Variants in FRMD3 observed in about 807,000 individuals in gnomAD.
The protein encoded by FRMD3 is FERM domain containing 3.
Under a neutral mutation model 70.2 loss-of-function variants are expected in FRMD3, and 33 were observed. That is an observed-to-expected ratio of 0.47 (90% CI 0.36 to 0.63). The LOEUF (loss-of-function observed/expected upper bound fraction) is 0.63. FRMD3 is among the 20% of genes least tolerant of loss of function. FRMD3 has a pLI of 0.00. For missense variants in FRMD3, 632 were observed against 711.4 expected (o/e 0.89, Z 1.27); for synonymous variants, 279 against 255.9 (o/e 1.09, Z -0.86).
intron 13 of FRMD3, among the ~76,000 whole-genome samples, chr9:83,280,284 C>G (rs899830372): frequency 2.0e-5 from 3 of 152,200 alleles, no homozygotes; most frequent in African/African-American, 7.2e-5. Context: ...ATGCTCTTCC[C>G]GCCACCAGAG....
chr9:83,359,863 C>T (rs1824527773), intron 3 of FRMD3, among the ~76,000 whole-genome samples: 1 of 152,158 alleles, frequency 6.6e-6, no homozygotes, highest in African/African-American at 2.4e-5. Context: ...GAGTTCATGA[C>T]TGCAAAGCAC....
chr9:83,465,581 G>A (rs1432800149), intron 1 of FRMD3, among the ~76,000 whole-genome samples: 2 of 151,932 alleles, frequency 1.3e-5, no homozygotes, highest in African/African-American at 4.8e-5. Context: ...CCAGATTTCT[G>A]TACAATTTAC....
chr9:83,528,541 T>C (rs1158180915), intron 1 of FRMD3, among the ~76,000 whole-genome samples: 1 of 152,146 alleles, frequency 6.6e-6, no homozygotes, highest in Non-Finnish European at 1.5e-5. Flanking sequence ...ACCAGCAATT[T>C]TTTTTTTTGA....
chr9:83,329,837 T>C (rs1836181946), intron 6 of FRMD3, among the ~76,000 whole-genome samples: 1 of 152,156 alleles, frequency 6.6e-6, no homozygotes, highest in Non-Finnish European at 1.5e-5. Flanking sequence ...AATGTCTCTG[T>C]CTCTAATGAC....
rs540373535 is a variant in FRMD3, at chr9:83,470,893, ATG to A, written c.147+67190_147+67191del. ...CACATGCAATAAAAGTGACTGAAGA[ATG>A]TGATCTTACACAAGCTGGAGCATTT... On this transcript the variant is annotated intron_variant, in intron 1 of 13. Transcript: ENST00000304195. 1.8e-4 allele frequency among the ~76,000 whole-genome samples: 27 copies of A among 152,366 alleles called. No homozygotes were observed. The East Asian group carries it at 5.2e-3, about 29-fold the overall frequency.
intron 6 of FRMD3, among the ~76,000 whole-genome samples, chr9:83,325,869 C>T (rs7030025): frequency 0.65 from 98,239 of 152,004 alleles, 32,235 homozygotes; most frequent in African/African-American, 0.76. Context: ...AAGAATAATA[C>T]TTCATGACTC....
chr9:83,565,794 C>T, the FRMD3 span, among the ~76,000 whole-genome samples: 26 of 152,236 alleles, frequency 1.7e-4, no homozygotes, highest in African/African-American at 4.3e-4. Context: ...TTTCCAATTA[C>T]GGGAATTTTA....
chr9:83,250,292 C>T (rs149392270), intron 13 of FRMD3, among the ~76,000 whole-genome samples: 5 of 152,250 alleles, frequency 3.3e-5, no homozygotes, highest in African/African-American at 7.2e-5. Context: ...TTGCAACCTG[C>T]GGATCAGGAG....
chr9:83,420,482 AC>A (rs1826600263), intron 1 of FRMD3, among the ~76,000 whole-genome samples: 1 of 152,048 alleles, frequency 6.6e-6, no homozygotes, highest in Non-Finnish European at 1.5e-5. Flanking sequence ...GGTGATTCCC[AC>A]CCCTCTCCTA....
At chr9:83,528,599 A>G (rs1829732584) in intron 1 of FRMD3, among the ~76,000 whole-genome samples, 1 of 151,930 alleles carries the variant, frequency 6.6e-6, no homozygotes, top group African/African-American at 2.4e-5. Context: ...GCACAGTCAC[A>G]GCTCACTGCA....
At chr9:83,549,289 CT>C in the FRMD3 span, among the ~76,000 whole-genome samples, 1 of 152,070 alleles carries the variant, frequency 6.6e-6, no homozygotes, top group East Asian at 1.9e-4. Flanking sequence ...TGATATTGTT[CT>C]TTTTTATGAC....
intron 1 of FRMD3, among the ~76,000 whole-genome samples, chr9:83,506,088 A>G (rs775310241): frequency 5.3e-5 from 8 of 152,364 alleles, no homozygotes; most frequent in South Asian, 4.1e-4. Flanking sequence ...GGAAGAGTAG[A>G]TAACTTCATC....
intron 1 of FRMD3, among the ~76,000 whole-genome samples, chr9:83,498,494 A>C (rs1364414549): frequency 6.6e-6 from 1 of 152,214 alleles, no homozygotes; most frequent in Non-Finnish European, 1.5e-5. Flanking sequence ...CAAGTAGTTC[A>C]TGTGCTCCCC....
In FRMD3 at chr9:83,309,546, C is replaced by T; in HGVS notation, c.916G>A (p.Ala306Thr). 6.3e-7 allele frequency: 1 copy of T among 1,583,180 alleles called. No individual in the cohort carries two copies. The highest frequency in any genetic ancestry group is 8.6e-7 in the Non-Finnish European group (1 of 1,163,672). The change falls in exon 10 of 14, where the codon GCC becomes ACC. Residue 306 changes from alanine (A) to threonine (T), a missense_variant. Physicochemically the swap from Ala to Thr is moderately conservative, Grantham distance 58. Transcript: ENST00000304195. ...ATAAAAGCCACTTACTTATAAAAGG[C>T]CTGGTTTTCCACTCCACACTTCCAA... is the stretch of plus-strand genomic sequence containing the variant. Reference protein sequence around the residue: ...HLWKCGVENQAFYKYAKSSQI... With the variant: ...HLWKCGVENQTFYKYAKSSQI...
At chr9:83,277,545 G>A (rs914250043) in intron 13 of FRMD3, among the ~76,000 whole-genome samples, 1 of 152,138 alleles carries the variant, frequency 6.6e-6, no homozygotes, top group African/African-American at 2.4e-5. Context: ...ATTTTTGGTA[G>A]AGACAGAGTT....
intron 4 of FRMD3, among the ~76,000 whole-genome samples, chr9:83,346,284 A>G (rs1292183103): frequency 6.7e-6 from 1 of 148,596 alleles, no homozygotes; most frequent in Non-Finnish European, 1.5e-5. Context: ...AAAAAAGTGC[A>G]AACAAGCCAA....
intron 13 of FRMD3, chr9:83,267,419 A>AGAGG (rs1833320913): frequency 1.5e-6 from 1 of 662,842 alleles, no homozygotes; most frequent in African/African-American, 1.8e-5. Context: ...GGACCAAAAC[A>AGAGG]GAGGACCCTG....
intron 2 of FRMD3, among the ~76,000 whole-genome samples, chr9:83,383,295 T>A (rs1033802179): frequency 3.3e-4 from 49 of 149,480 alleles, no homozygotes; most frequent in African/African-American, 1.1e-3. Flanking sequence ...TGTGATATAA[T>A]AAAATTATGT....
intron 1 of FRMD3, among the ~76,000 whole-genome samples, chr9:83,517,877 T>G (rs534111674): frequency 6.6e-6 from 1 of 152,202 alleles, no homozygotes; most frequent in African/African-American, 2.4e-5. Flanking sequence ...ACAGAACCAA[T>G]GACAAAAACT....
Sources: gnomAD v4.1 joint callset for allele counts (sites outside exome capture counted in the v4.1 genomes callset) on GRCh38, gnomAD v4.1.1 for gene constraint, MANE v1.5 for transcripts, NCBI Gene and HGNC (gene_info 2026-07-23, HGNC 2026-07-21) for gene names.